The following TOX3 variants were observed in gnomAD, a reference collection of about 807,000 sequenced individuals.
TOX3 encodes the protein TOX high mobility group box family member 3.
In TOX3, 22 loss-of-function variants were observed where a neutral mutation model predicts 64.3. The observed-to-expected ratio is 0.34, with a 90% CI of 0.24 to 0.49. The LOEUF is 0.49. TOX3 is among the 20% of genes least tolerant of loss of function. The probability of loss-of-function intolerance (pLI) is 0.99; values close to 1 mark genes in which losing one functional copy is unlikely to be tolerated. For synonymous variants in TOX3, 291 were observed against 273.6 expected (o/e 1.06, Z -0.63); for missense variants, 661 against 714.4 (o/e 0.93, Z 0.85).
intron 1 of TOX3, among the ~76,000 whole-genome samples, chr16:52,533,125 C>CAG (rs1037519798): frequency 1.2e-4 from 19 of 152,152 alleles, no homozygotes; most frequent in African/African-American, 4.6e-4. Context: ...AAGAATCATT[C>CAG]AGAGAGATGT....
intron 1 of TOX3, among the ~76,000 whole-genome samples, chr16:52,481,522 A>C (rs1473536360): frequency 1.3e-5 from 2 of 152,256 alleles, no homozygotes; most frequent in African/African-American, 4.8e-5. Context: ...ATCAATGATA[A>C]GAAGTTCATA....
intron 1 of TOX3, among the ~76,000 whole-genome samples, chr16:52,476,862 C>CA (rs1961222365): frequency 6.6e-6 from 1 of 151,844 alleles, no homozygotes; most frequent in Non-Finnish European, 1.5e-5. Flanking sequence ...GGTGATGAGA[C>CA]AAAAAAATAT....
intron 1 of TOX3, among the ~76,000 whole-genome samples, chr16:52,470,741 G>C (rs999064518): frequency 2.0e-5 from 3 of 152,178 alleles, no homozygotes; most frequent in African/African-American, 7.2e-5. Flanking sequence ...GCCACGCAGC[G>C]TTTAGTCAAG....
chr16:52,465,470 G>GTTTTT (rs34739813), intron 2 of TOX3, among the ~76,000 whole-genome samples: 3 of 104,004 alleles, frequency 2.9e-5, no homozygotes, highest in African/African-American at 3.9e-5. Context: ...TTTCTTTTTG[G>GTTTTT]TTTTTTTTTT....
chr16:52,470,291 C>T (rs1036897350), intron 1 of TOX3, among the ~76,000 whole-genome samples: 1 of 152,166 alleles, frequency 6.6e-6, no homozygotes, highest in African/African-American at 2.4e-5. Flanking sequence ...TTTATGAGAA[C>T]CTGGGCTCGA....
At chr16:52,513,402 C>T (rs1163548775) in intron 1 of TOX3, among the ~76,000 whole-genome samples, 1 of 152,292 alleles carries the variant, frequency 6.6e-6, no homozygotes, top group Non-Finnish European at 1.5e-5. Context: ...TAGGCCTCTG[C>T]TTCCCAAATA....
chr16:52,466,734 T>C (rs1304417914), intron 2 of TOX3, among the ~76,000 whole-genome samples: 1 of 152,164 alleles, frequency 6.6e-6, no homozygotes, highest in African/African-American at 2.4e-5. Context: ...TAATTTCAAT[T>C]AAGCATATTA....
chr16:52,522,812 T>C (rs1315167793), intron 1 of TOX3, among the ~76,000 whole-genome samples: 1 of 152,156 alleles, frequency 6.6e-6, no homozygotes, highest in African/African-American at 2.4e-5. Context: ...TGAGAAGCAT[T>C]TTTTTGTTTG....
intron 1 of TOX3, chr16:52,475,775 T>A (rs1961189069): frequency 6.6e-6 from 1 of 152,164 alleles, no homozygotes; most frequent in Non-Finnish European, 1.5e-5. Flanking sequence ...GGTCAGGGTT[T>A]CTCCAAGTGT....
intron 1 of TOX3, among the ~76,000 whole-genome samples, chr16:52,518,186 T>C (rs528470303): frequency 6.6e-6 from 1 of 152,222 alleles, no homozygotes; most frequent in Non-Finnish European, 1.5e-5. Context: ...CTGAAATTGA[T>C]ATCTTTTCCG....
intron 1 of TOX3, among the ~76,000 whole-genome samples, chr16:52,479,572 G>A (rs1961311681): frequency 6.6e-6 from 1 of 152,184 alleles, no homozygotes; most frequent in Admixed American, 6.5e-5. Context: ...TAAAATGACA[G>A]CAACTTACAA....
At chr16:52,460,110 C>T (rs548168388) in intron 3 of TOX3, among the ~76,000 whole-genome samples, 18 of 152,128 alleles carry the variant, frequency 1.2e-4, no homozygotes, top group South Asian at 6.2e-4. Context: ...TTAACAGGTA[C>T]GAATACTACC....
rs936518141 is a variant in TOX3, at chr16:52,439,695, T to C, written c.1261A>G (p.Thr421Ala). 15 of 1,613,840 alleles carry C rather than the reference T, an allele frequency of 9.3e-6. No homozygotes were observed. The highest frequency in any genetic ancestry group is 1.3e-5 in the Non-Finnish European group (15 of 1,179,850). ...IGAPLISSMGTTMVGSAPSTQ... is the reference protein window; with the variant it reads ...IGAPLISSMGATMVGSAPSTQ... The stretch of plus-strand genomic sequence containing the variant: ...GAGGGTGCTGAGCCAACCATGGTCG[T>C]TCCCATGGAGCTTATCAGTGGAGCC... Residue 421 changes from threonine (T) to alanine (A), a missense_variant, in exon 7 of 7, where the codon ACG becomes GCG. Coordinates refer to ENST00000219746, the MANE Select transcript of TOX3 (RefSeq NM_001080430.4).
rs1596793621 is a variant in TOX3 at position 52,463,846 on chromosome 16, A to G, written c.408+88T>C. ...AATCAATCCACTAGGAACAGGCAAGAGCACGTTTCAGAACATGGACTCTCA... is the reference window on the plus strand; with the variant it reads ...AATCAATCCACTAGGAACAGGCAAGGGCACGTTTCAGAACATGGACTCTCA... On this transcript the variant is annotated intron_variant, in intron 3 of 6. Coordinates refer to ENST00000219746, the MANE Select transcript of TOX3 (RefSeq NM_001080430.4). 7.0e-6 allele frequency: 10 copies of G among 1,425,894 alleles called. 1 individual carries two copies. In the South Asian group the frequency reaches 1.7e-4, roughly 24 times the overall value. 88.3% of individuals were successfully genotyped at this position (1,425,894 alleles called of 1,614,324 possible).
rs76503893 is a variant in TOX3 at position 52,489,751 on chromosome 16, C to A, written c.88-21177G>T. ...TATATTCAACAAATCAAATACAGAG[C>A]TTATCTTTACCAATCTCAGATATGC... On this transcript the variant is annotated intron_variant, in intron 1 of 6. Coordinates refer to ENST00000219746, the MANE Select transcript of TOX3 (RefSeq NM_001080430.4). 8.1e-3 allele frequency among the ~76,000 whole-genome samples: 1,229 copies of A among 152,238 alleles called. 19 individuals are homozygous for A. Among genetic ancestry groups the A allele is most frequent in the African/African-American group, 0.028 (1,177 of 41,542 alleles).
At chr16:52,491,720 G>C (rs564907899) in intron 1 of TOX3, among the ~76,000 whole-genome samples, 1 of 152,214 alleles carries the variant, frequency 6.6e-6, no homozygotes, top group East Asian at 1.9e-4. Context: ...GAACACTGTT[G>C]ATGCTAAATA....
intron 3 of TOX3, among the ~76,000 whole-genome samples, chr16:52,462,254 A>G (rs535927768): frequency 1.3e-5 from 2 of 152,246 alleles, no homozygotes; most frequent in South Asian, 4.1e-4. Context: ...ATTACAAAAG[A>G]AGCATTAAAA....
rs1555484130 is a variant in TOX3, at chr16:52,485,246, G to GTGTATA, written c.88-16673_88-16672insTATACA. 1.4e-3 allele frequency among the ~76,000 whole-genome samples: 183 copies of GTGTATA among 127,840 alleles called. 1 individual carries two copies. Among genetic ancestry groups the GTGTATA allele is most frequent in the African/African-American group, 5.0e-3 (148 of 29,768 alleles). 83.9% of individuals were successfully genotyped at this position (127,840 alleles called of 152,430 possible). A position where few individuals can be genotyped will look rare whatever the true frequency, so the allele number is the denominator to read the frequency against. ...CATGTGTGTGTGTGTATGTGTGTGTGTATATATATATATATATATATATAT... is the reference window on the plus strand; with the variant it reads ...CATGTGTGTGTGTGTATGTGTGTGTGTGTATATATATATATATATATATATATATAT... On this transcript the variant is annotated intron_variant, in intron 1 of 6. Coordinates refer to ENST00000219746, the MANE Select transcript of TOX3 (RefSeq NM_001080430.4).
chr16:52,524,965 A>C (rs1326244836), intron 1 of TOX3, among the ~76,000 whole-genome samples: 1 of 151,182 alleles, frequency 6.6e-6, no homozygotes, highest in African/African-American at 2.5e-5. Context: ...GATCATTATT[A>C]AATTAAAAAA....
Sources: allele counts gnomAD v4.1 joint callset (sites outside exome capture counted in the v4.1 genomes callset), GRCh38; gene constraint gnomAD v4.1.1; transcripts MANE v1.5; gene names NCBI Gene and HGNC (gene_info 2026-07-23, HGNC 2026-07-21).